Variants in VWF observed in about 807,000 individuals in gnomAD.
VWF encodes the protein Factor VIII related antigen.
VWF carries 176 observed loss-of-function variants against 308.6 expected under a neutral mutation model. The ratio of observed to expected loss-of-function variants is 0.57; its 90% CI spans 0.50 to 0.65. The LOEUF is 0.65. Among genes scored for constraint, VWF ranks in the 30% least tolerant of loss-of-function variants. The probability of loss-of-function intolerance (pLI) is 0.00; values close to 1 mark genes in which losing one functional copy is unlikely to be tolerated. For synonymous variants in VWF, 1,385 were observed against 1,443.4 expected (o/e 0.96, Z 0.92); for missense variants, 3,146 against 3,648.2 (o/e 0.86, Z 3.55).
At chr12:5,968,364 G>C in intron 45 of VWF, 197 bp from the exon 46 acceptor site, 2 of 604,928 alleles carry the variant, frequency 3.3e-6, no homozygotes, top group Non-Finnish European at 5.8e-6. Flanking sequence ...TCCCCATGCA[G>C]CCCACAATGA....
intron 47 of VWF, among the ~76,000 whole-genome samples, chr12:5,962,507 T>C (rs2136347949): frequency 6.6e-6 from 1 of 150,446 alleles, no homozygotes; most frequent in South Asian, 2.1e-4. Context: ...AAAAGGAGCC[T>C]AGCGATTGGT....
intron 47 of VWF, among the ~76,000 whole-genome samples, chr12:5,964,175 C>CGG (rs1274452945): frequency 6.7e-6 from 1 of 150,234 alleles, no homozygotes; most frequent in Non-Finnish European, 1.5e-5. Flanking sequence ...CGAGATCTCA[C>CGG]CACTGCACTC....
At chr12:6,065,566 C>A (rs575076214) in intron 10 of VWF, among the ~76,000 whole-genome samples, 4 of 152,248 alleles carry the variant, frequency 2.6e-5, no homozygotes, top group African/African-American at 9.6e-5. Context: ...AACCCACGCT[C>A]CTGCTTCCAG....
At position 5,985,568 on chromosome 12, in the gene VWF, G is replaced by A. The variant is rs573454985; in HGVS notation, c.6896C>T (p.Ala2299Val). 1.1e-5 allele frequency: 18 copies of A among 1,613,770 alleles called. No homozygotes were observed. The Admixed American group carries it at 1.2e-4, about 10-fold the overall frequency. ...AGGGAGGGGAGGACTCTCACCTTTGGCCGTGGGGCAGGGCTGCGTTGTGCA... is the reference window on the plus strand; with the variant it reads ...AGGGAGGGGAGGACTCTCACCTTTGACCGTGGGGCAGGGCTGCGTTGTGCA... The part of the protein sequence containing the change: ...VNCTTQPCPT[A>V]KAPTCGLCEV... Residue 2299 changes from alanine to valine, a missense_variant, in exon 39 of 52, where the codon GCC becomes GTC. By Grantham distance (64) the Ala-to-Val change is moderately conservative. Transcript: ENST00000261405.
At chr12:5,978,165 T>C (rs1943552517) in intron 42 of VWF, among the ~76,000 whole-genome samples, 1 of 150,844 alleles carries the variant, frequency 6.6e-6, no homozygotes, top group Non-Finnish European at 1.5e-5. Flanking sequence ...AATATAATTA[T>C]AATAGTTATT....
chr12:5,966,546 C>T (rs1467824668), intron 47 of VWF, among the ~76,000 whole-genome samples: 1 of 152,150 alleles, frequency 6.6e-6, no homozygotes, highest in African/African-American at 2.4e-5. Flanking sequence ...CTACCTGTCC[C>T]TTGTCCTCAA....
intron 42 of VWF, among the ~76,000 whole-genome samples, chr12:5,980,208 T>TAGGG (rs1161891920): frequency 0.012 from 246 of 20,790 alleles, 18 homozygotes; most frequent in Non-Finnish European, 0.014. Flanking sequence ...GTGACGTAGG[T>TAGGG]AGGTAGGGAG....
At chr12:6,059,830 G>A (rs1944634160) in intron 13 of VWF, among the ~76,000 whole-genome samples, 1 of 152,248 alleles carries the variant, frequency 6.6e-6, no homozygotes, top group Non-Finnish European at 1.5e-5. Context: ...GAATGAATAA[G>A]TAAGTGAATG....
At chr12:6,121,789 G>T (rs1945434769) in intron 2 of VWF, among the ~76,000 whole-genome samples, 1 of 152,044 alleles carries the variant, frequency 6.6e-6, no homozygotes, top group South Asian at 2.1e-4. Context: ...AAACTAGCCG[G>T]GTGTAGTGGT....
intron 6 of VWF, among the ~76,000 whole-genome samples, chr12:6,089,645 C>A (rs1041366043): frequency 2.0e-5 from 3 of 152,190 alleles, no homozygotes; most frequent in Non-Finnish European, 4.4e-5. Context: ...GTCTTTACCT[C>A]CCACTCAGTA....
intron 16 of VWF, among the ~76,000 whole-genome samples, chr12:6,047,278 C>T (rs908307198): frequency 4.6e-5 from 7 of 152,108 alleles, no homozygotes; most frequent in South Asian, 2.1e-4. Context: ...CAGCTCGGAC[C>T]GCTCCTTTGA....
intron 5 of VWF, among the ~76,000 whole-genome samples, chr12:6,100,097 C>T (rs988064976): frequency 2.0e-5 from 3 of 152,070 alleles, no homozygotes; most frequent in Non-Finnish European, 2.9e-5. Flanking sequence ...TGAGCAGACA[C>T]TTCTCAAAAG....
chr12:5,984,264 T>A (rs1943651860), intron 40 of VWF, among the ~76,000 whole-genome samples: 1 of 152,202 alleles, frequency 6.6e-6, no homozygotes, highest in Non-Finnish European at 1.5e-5. Flanking sequence ...AAGTAAATGA[T>A]CCCTCTAGTT....
intron 30 of VWF, 96 bp downstream of exon 30, chr12:6,016,420 A>C: frequency 6.9e-7 from 1 of 1,457,138 alleles, no homozygotes; most frequent in Non-Finnish European, 9.4e-7. Context: ...ACTAAGGCCA[A>C]GGAGCAAAGT....
At chr12:6,051,348 G>A (rs1338182835) in intron 16 of VWF, among the ~76,000 whole-genome samples, 2 of 144,712 alleles carry the variant, frequency 1.4e-5, no homozygotes, top group Non-Finnish European at 3.0e-5. Context: ...CTGGAGTGCA[G>A]TGGCAAGATC....
intron 42 of VWF, among the ~76,000 whole-genome samples, chr12:5,978,448 A>G (rs1943556049): frequency 6.6e-6 from 1 of 152,192 alleles, no homozygotes; most frequent in African/African-American, 2.4e-5. Flanking sequence ...ATTTTTTAGT[A>G]GAGATGGGGT....
chr12:6,084,794 CTG>C (rs2136485335), intron 6 of VWF, among the ~76,000 whole-genome samples: 1 of 152,146 alleles, frequency 6.6e-6, no homozygotes, highest in Admixed American at 6.5e-5. Flanking sequence ...CGCCTGGAGT[CTG>C]AGCTGCTCCA....
chr12:6,077,996 T>C (rs1163433976), intron 6 of VWF, among the ~76,000 whole-genome samples: 1 of 152,140 alleles, frequency 6.6e-6, no homozygotes, highest in East Asian at 1.9e-4. Flanking sequence ...GAAGACTGAA[T>C]GGAATATGCA....
intron 18 of VWF, among the ~76,000 whole-genome samples, chr12:6,040,080 G>C (rs557999437): frequency 1.3e-5 from 2 of 152,178 alleles, no homozygotes; most frequent in Admixed American, 1.3e-4. Context: ...TGTGATAGAA[G>C]GGGCTGACAT....
Sources: gnomAD v4.1 joint callset for allele counts (sites outside exome capture counted in the v4.1 genomes callset) on GRCh38, gnomAD v4.1.1 for gene constraint, MANE v1.5 for transcripts, NCBI Gene and HGNC (gene_info 2026-07-23, HGNC 2026-07-21) for gene names.